Variants in NAALADL2 observed in about 807,000 individuals in gnomAD.
The protein encoded by NAALADL2 is inactive N-acetylated-alpha-linked acidic dipeptidase-like protein 2.
Under a neutral mutation model 87.2 loss-of-function variants are expected in NAALADL2, and 76 were observed. The observed-to-expected ratio is 0.87, with a 90% CI of 0.72 to 1.05. NAALADL2 has a LOEUF of 1.05. NAALADL2 is among the 50% of genes least tolerant of loss of function. The pLI, the probability that NAALADL2 is intolerant of heterozygous loss-of-function variation, is 0.00. For missense variants in NAALADL2, 1,089 were observed against 945.8 expected (o/e 1.15, Z -1.99); for synonymous variants, 354 against 331.0 (o/e 1.07, Z -0.75).
Position 175,364,404 on chromosome 3 carries a change from G to A in NAALADL2, c.1090+40079G>A, listed in dbSNP as rs79673917. ...CAAGAGAAAAGATGGCAGGAGAAAT[G>A]TAGCAAATTTCAGGTTCTGAGGAAT... is the stretch of plus-strand genomic sequence containing the variant. On this transcript the variant is annotated intron_variant, in intron 5 of 13. Transcript: ENST00000454872. 4.7e-5 allele frequency among the ~76,000 whole-genome samples: 7 copies of A among 148,022 alleles called. 1 individual carries two copies. In the East Asian group the frequency reaches 1.4e-3, roughly 30 times the overall value.
chr3:175,636,973 G>A (rs538219052), intron 11 of NAALADL2, among the ~76,000 whole-genome samples: 17 of 152,120 alleles, frequency 1.1e-4, no homozygotes, highest in Non-Finnish European at 1.6e-4. Context: ...TTAAATATTT[G>A]ATTTAATTCA....
At chr3:174,792,907 C>T (rs1280112527) in intron 3 of NAALADL2, among the ~76,000 whole-genome samples, 1 of 152,098 alleles carries the variant, frequency 6.6e-6, no homozygotes, top group Non-Finnish European at 1.5e-5. Flanking sequence ...GTTTCACTGC[C>T]AGCTTTAAAG....
At chr3:175,009,321 A>G (rs1336239215) in intron 1 of NAALADL2, among the ~76,000 whole-genome samples, 1 of 152,182 alleles carries the variant, frequency 6.6e-6, no homozygotes, top group Non-Finnish European at 1.5e-5. Flanking sequence ...TTAGTACTTA[A>G]TTATTGTGAG....
chr3:175,459,047 G>A (rs1226748170), intron 6 of NAALADL2, among the ~76,000 whole-genome samples: 1 of 151,714 alleles, frequency 6.6e-6, no homozygotes, highest in African/African-American at 2.4e-5. Flanking sequence ...ACCATCCTTG[G>A]GCCCTGATAT....
intron 10 of NAALADL2, among the ~76,000 whole-genome samples, chr3:175,581,506 A>T (rs2149574974): frequency 6.6e-6 from 1 of 152,300 alleles, no homozygotes; most frequent in African/African-American, 2.4e-5. Flanking sequence ...TTCCTGCATT[A>T]TCTTTTGTAA....
At chr3:175,104,452 T>C (rs959363521) in intron 2 of NAALADL2, among the ~76,000 whole-genome samples, 2 of 152,212 alleles carry the variant, frequency 1.3e-5, no homozygotes, top group African/African-American at 4.8e-5. Flanking sequence ...GATGGTGATG[T>C]CATCAGCAAC....
At chr3:174,548,280 A>C (rs1213038501) in intron 1 of NAALADL2, among the ~76,000 whole-genome samples, 1 of 152,180 alleles carries the variant, frequency 6.6e-6, no homozygotes, top group African/African-American at 2.4e-5. Context: ...GGTACATAAC[A>C]CACCATATGG....
chr3:175,012,861 A>T (rs1207143561), intron 1 of NAALADL2, among the ~76,000 whole-genome samples: 1 of 151,356 alleles, frequency 6.6e-6, no homozygotes, highest in Non-Finnish European at 1.5e-5. Context: ...TCATTTAAAC[A>T]TATTTGTATA....
intron 12 of NAALADL2, among the ~76,000 whole-genome samples, chr3:175,747,078 C>G (rs1226827666): frequency 6.6e-6 from 1 of 152,174 alleles, no homozygotes; most frequent in Non-Finnish European, 1.5e-5. Flanking sequence ...AGGCAGCTGG[C>G]TCTTTAAGGC....
chr3:175,271,790 G>T (rs918697439), intron 4 of NAALADL2, among the ~76,000 whole-genome samples: 1 of 152,108 alleles, frequency 6.6e-6, no homozygotes, highest in African/African-American at 2.4e-5. Context: ...GTGAGACTTC[G>T]TCTCAAAGTA....
At chr3:174,525,642 A>G (rs1038449262) in intron 1 of NAALADL2, among the ~76,000 whole-genome samples, 5 of 152,086 alleles carry the variant, frequency 3.3e-5, no homozygotes, top group Non-Finnish European at 7.3e-5. Flanking sequence ...ATGATTAATC[A>G]TAGCTGTATT....
chr3:175,668,218 T>A (rs1382523379), intron 11 of NAALADL2, among the ~76,000 whole-genome samples: 1 of 152,190 alleles, frequency 6.6e-6, no homozygotes, highest in Non-Finnish European at 1.5e-5. Context: ...TACAATGAAC[T>A]TTTGTAGCTG....
In NAALADL2 at chr3:174,859,397, G is replaced by T. The variant is rs1416874435; in HGVS notation, c.-11G>T. 2 of 1,605,158 alleles carry T rather than the reference G, an allele frequency of 1.2e-6. No individual in the cohort carries two copies. Among genetic ancestry groups the T allele is most frequent in the South Asian group, 1.1e-5 (1 of 89,650 alleles). On this transcript the variant is annotated 5_prime_UTR_variant, in exon 1 of 14. Transcript: ENST00000454872. ...GAAACTGCTTGGCCCTCTTTAAAAAGAAATAATAAAATGGGAGAGAATGAA... is the reference window on the plus strand; with the variant it reads ...GAAACTGCTTGGCCCTCTTTAAAAATAAATAATAAAATGGGAGAGAATGAA...
chr3:175,327,974 T>A lies in NAALADL2; in HGVS notation c.1090+3649T>A, dbSNP rs561950760. Among the ~76,000 whole-genome samples the A allele has an allele frequency of 3.9e-5, 6 of 152,314 alleles. No individual in the cohort carries two copies. In the East Asian group the frequency reaches 1.2e-3, roughly 29 times the overall value. ...GATGGTCTAAATCAAAAGGATGGAT[T>A]AGGAATCTTTGCGGAATTATTACAC... On this transcript the variant is annotated intron_variant, in intron 5 of 13. Coordinates refer to ENST00000454872, the MANE Select transcript of NAALADL2 (RefSeq NM_207015.3).
chr3:175,805,764 C>T lies in NAALADL2; in HGVS notation c.*2561C>T, dbSNP rs1394696841. The T allele has an allele frequency of 6.6e-6, 1 of 151,820 alleles. No homozygotes were observed. Among genetic ancestry groups the T allele is most frequent in the African/African-American group, 2.4e-5 (1 of 41,408 alleles). The allele number at this position is 151,820 out of a possible 1,614,324, so 9.4% of individuals were successfully genotyped here. On this transcript the variant is annotated 3_prime_UTR_variant, in exon 14 of 14. Transcript: ENST00000454872. ...TAGGAAATAATGAATCATAAATATT[C>T]TCTGAAGAAAATGTGGTAAAGGTGT... is the stretch of plus-strand genomic sequence containing the variant.
chr3:174,997,042 G>A lies in NAALADL2; in HGVS notation c.44-99748G>A, dbSNP rs1178704818. Among the ~76,000 whole-genome samples the A allele has an allele frequency of 7.1e-3, 794 of 111,990 alleles. 10 individuals are homozygous for A. Among genetic ancestry groups the A allele is most frequent in the African/African-American group, 0.027 (629 of 23,282 alleles). The allele number at this position is 111,990 out of a possible 152,430, so 73.5% of individuals were successfully genotyped here. On this transcript the variant is annotated intron_variant, in intron 1 of 13. Coordinates refer to ENST00000454872, the MANE Select transcript of NAALADL2 (RefSeq NM_207015.3). ...TGTGTGTGTGTGTGTGTGTGTGTAT[G>A]TGTATATATATATATATTTTTTTTT...
At chr3:175,429,164 AAT>A (rs1453803659) in intron 5 of NAALADL2, among the ~76,000 whole-genome samples, 1 of 133,914 alleles carries the variant, frequency 7.5e-6, no homozygotes, top group Non-Finnish European at 1.5e-5. Context: ...GGACTATAGT[AAT>A]ATATATATGT....
At chr3:175,026,384 C>T (rs1752227508) in intron 1 of NAALADL2, among the ~76,000 whole-genome samples, 1 of 150,404 alleles carries the variant, frequency 6.6e-6, no homozygotes, top group South Asian at 2.1e-4. Flanking sequence ...TGGTGACTCA[C>T]ATCTGTAATC....
chr3:175,359,149 T>C (rs1415545251), intron 5 of NAALADL2, among the ~76,000 whole-genome samples: 1 of 152,098 alleles, frequency 6.6e-6, no homozygotes, highest in Non-Finnish European at 1.5e-5. Flanking sequence ...ATCTCCAAAG[T>C]AGCAATCTCT....
Sources: gnomAD v4.1 joint callset for allele counts (sites outside exome capture counted in the v4.1 genomes callset) on GRCh38, gnomAD v4.1.1 for gene constraint, MANE v1.5 for transcripts, NCBI Gene and HGNC (gene_info 2026-07-23, HGNC 2026-07-21) for gene names.